The following CACNA2D3 variants were observed in gnomAD, a reference collection of about 807,000 sequenced individuals.
CACNA2D3 encodes calcium voltage-gated channel auxiliary subunit alpha2delta 3.
A neutral mutation model predicts 160.6 loss-of-function variants in CACNA2D3; 60 were observed. The ratio of observed to expected loss-of-function variants is 0.37; its 90% CI spans 0.30 to 0.46. The LOEUF (loss-of-function observed/expected upper bound fraction) is 0.46, where lower values mean the gene tolerates loss of function less well. Ranked by LOEUF, CACNA2D3 falls within the 20% of genes least tolerant of loss-of-function variation. CACNA2D3 has a pLI of 1.00. For missense variants in CACNA2D3, 1,205 were observed against 1,365.0 expected (o/e 0.88, Z 1.85); for synonymous variants, 558 against 492.9 (o/e 1.13, Z -1.75).
chr3:54,722,596 A>AG (rs1483904103), intron 11 of CACNA2D3, among the ~76,000 whole-genome samples: 2 of 151,850 alleles, frequency 1.3e-5, no homozygotes, highest in African/African-American at 2.4e-5. Context: ...GGGGTCTTTG[A>AG]GGGGATGTGC....
rs358027 is a variant in CACNA2D3, at chr3:55,014,364, A to G, written c.2876-3842A>G. On this transcript the variant is annotated intron_variant, in intron 34 of 37. Transcript: ENST00000474759. ...TTCTTGTAAAAGAAGGAATCAGCCAAACTGAGCTCAGTGATCCTTGAATAC... is the reference window on the plus strand; with the variant it reads ...TTCTTGTAAAAGAAGGAATCAGCCAGACTGAGCTCAGTGATCCTTGAATAC... Among the ~76,000 whole-genome samples, 189 of 152,306 alleles carry G rather than the reference A, an allele frequency of 1.2e-3. 1 individual carries two copies. The highest frequency in any genetic ancestry group is 4.4e-3 in the African/African-American group (184 of 41,574).
At chr3:54,441,173 G>A (rs1014725977) in intron 4 of CACNA2D3, among the ~76,000 whole-genome samples, 1 of 152,132 alleles carries the variant, frequency 6.6e-6, no homozygotes, top group African/African-American at 2.4e-5. Context: ...TTTAATGATT[G>A]CCATTCTAAC....
chr3:54,410,313 C>T (rs1699645365), intron 4 of CACNA2D3, among the ~76,000 whole-genome samples: 1 of 151,968 alleles, frequency 6.6e-6, no homozygotes, highest in African/African-American at 2.4e-5. Context: ...GAGATTGCGC[C>T]ACTGCTCTCC....
At chr3:54,360,388 G>T (rs1698721333) in intron 3 of CACNA2D3, among the ~76,000 whole-genome samples, 1 of 152,200 alleles carries the variant, frequency 6.6e-6, no homozygotes, top group African/African-American at 2.4e-5. Context: ...ATTCTGACTT[G>T]AATTTTTAAT....
chr3:54,159,925 A>G (rs899915327), intron 2 of CACNA2D3, among the ~76,000 whole-genome samples: 7 of 152,210 alleles, frequency 4.6e-5, no homozygotes, highest in African/African-American at 1.7e-4. Flanking sequence ...ACATACTACA[A>G]ACATCCAGAA....
chr3:54,479,287 C>G (rs565428049), intron 4 of CACNA2D3, among the ~76,000 whole-genome samples: 1 of 152,148 alleles, frequency 6.6e-6, no homozygotes, highest in African/African-American at 2.4e-5. Flanking sequence ...TCAATTAAAC[C>G]TCTTTCCTTT....
At chr3:54,188,281 A>G (rs1217209263) in intron 2 of CACNA2D3, among the ~76,000 whole-genome samples, 2 of 152,088 alleles carry the variant, frequency 1.3e-5, no homozygotes, top group Non-Finnish European at 2.9e-5. Flanking sequence ...AAAAACCAGT[A>G]GCAGGAGAGG....
chr3:54,380,206 T>C (rs768632015), intron 3 of CACNA2D3, among the ~76,000 whole-genome samples: 7 of 152,250 alleles, frequency 4.6e-5, no homozygotes, highest in Non-Finnish European at 1.0e-4. Flanking sequence ...CCTGGGTTCC[T>C]GGAAACATCT....
intron 13 of CACNA2D3, among the ~76,000 whole-genome samples, chr3:54,788,401 C>T (rs988545462): frequency 6.6e-6 from 1 of 152,146 alleles, no homozygotes; most frequent in Non-Finnish European, 1.5e-5. Context: ...TCTGTCAGGG[C>T]ACCCAGACAC....
intron 4 of CACNA2D3, among the ~76,000 whole-genome samples, chr3:54,462,346 C>T (rs1253177925): frequency 1.1e-4 from 16 of 152,146 alleles, no homozygotes; most frequent in Admixed American, 3.9e-4. Flanking sequence ...AACTTTGTCT[C>T]GCTGATCTGT....
intron 5 of CACNA2D3, among the ~76,000 whole-genome samples, chr3:54,532,388 G>T (rs563098027): frequency 9.7e-4 from 147 of 152,282 alleles, no homozygotes; most frequent in East Asian, 1.4e-3. Context: ...TAGTGGTGAA[G>T]TCTGGGCTTG....
At chr3:54,524,663 T>C (rs1175230953) in intron 5 of CACNA2D3, among the ~76,000 whole-genome samples, 2 of 152,144 alleles carry the variant, frequency 1.3e-5, no homozygotes, top group Non-Finnish European at 2.9e-5. Flanking sequence ...AATTTGATGC[T>C]CTGTGTGTAG....
chr3:55,044,792 TC>T (rs1704040270), intron 35 of CACNA2D3, among the ~76,000 whole-genome samples: 1 of 152,138 alleles, frequency 6.6e-6, no homozygotes, highest in Admixed American at 6.5e-5. Flanking sequence ...TTCCTTCTGT[TC>T]CTAATTTCTT....
In CACNA2D3 at chr3:54,227,991, T is replaced by C. The variant is rs79074197; in HGVS notation, c.205-92451T>C. ...GAGCTCCTTTCTTGGTTGAGTACTT[T>C]GTTCTTTGTTCTACCATGTTCTTTG... On this transcript the variant is annotated intron_variant, in intron 2 of 37. Transcript: ENST00000474759. Among the ~76,000 whole-genome samples, 1,243 of 152,294 alleles carry C rather than the reference T, an allele frequency of 8.2e-3. 21 individuals are homozygous for C. Among genetic ancestry groups the C allele is most frequent in the African/African-American group, 0.028 (1,174 of 41,546 alleles).
intron 2 of CACNA2D3, among the ~76,000 whole-genome samples, chr3:54,285,940 A>G (rs1022158408): frequency 6.6e-6 from 1 of 152,216 alleles, no homozygotes; most frequent in Non-Finnish European, 1.5e-5. Flanking sequence ...CGTCACCATC[A>G]TCAAAGACCA....
chr3:54,949,123 GA>G (rs1553926131), intron 27 of CACNA2D3, among the ~76,000 whole-genome samples: 1 of 152,190 alleles, frequency 6.6e-6, no homozygotes, highest in Non-Finnish European at 1.5e-5. Context: ...TCAGTGGAAA[GA>G]AACCCCCTCT....
At chr3:54,261,640 A>G (rs1467215121) in intron 2 of CACNA2D3, among the ~76,000 whole-genome samples, 1 of 152,180 alleles carries the variant, frequency 6.6e-6, no homozygotes, top group Non-Finnish European at 1.5e-5. Flanking sequence ...CCTCATTCAC[A>G]TGTGCCTTTG....
chr3:54,196,051 T>C (rs998703133), intron 2 of CACNA2D3, among the ~76,000 whole-genome samples: 1 of 152,196 alleles, frequency 6.6e-6, no homozygotes, highest in African/African-American at 2.4e-5. Flanking sequence ...CAAGATATGC[T>C]TGTGTGGTTG....
Position 54,887,948 on chromosome 3 carries a change from C to T in CACNA2D3, c.2057-11C>T. The T allele has an allele frequency of 1.2e-6, 2 of 1,609,948 alleles. No homozygotes were observed. Among genetic ancestry groups the T allele is most frequent in the Non-Finnish European group, 1.7e-6 (2 of 1,176,278 alleles). Reference sequence around the variant, plus strand: ...CTGCTGAAGCATCCTCTTGTCTGTCCCTCCCAACAGGTGATAAAGAATTGA... The same window carrying T: ...CTGCTGAAGCATCCTCTTGTCTGTCTCTCCCAACAGGTGATAAAGAATTGA... On this transcript the variant is annotated splice_polypyrimidine_tract_variant and intron_variant, in intron 23 of 37. Coordinates refer to ENST00000474759, the MANE Select transcript of CACNA2D3 (RefSeq NM_018398.3).
Sources: gnomAD v4.1 joint callset for allele counts (sites outside exome capture counted in the v4.1 genomes callset) on GRCh38, gnomAD v4.1.1 for gene constraint, MANE v1.5 for transcripts, NCBI Gene and HGNC (gene_info 2026-07-23, HGNC 2026-07-21) for gene names.